The following SNX7 variants were observed in gnomAD, a reference collection of about 807,000 sequenced individuals.
SNX7 encodes the protein sorting nexin 7.
Under a neutral mutation model 48.4 loss-of-function variants are expected in SNX7, and 35 were observed. The ratio of observed to expected loss-of-function variants is 0.72; its 90% CI spans 0.55 to 0.96. The LOEUF (loss-of-function observed/expected upper bound fraction) is 0.96. Among genes scored for constraint, SNX7 ranks in the 40% least tolerant of loss-of-function variants. The pLI, the probability that SNX7 is intolerant of heterozygous loss-of-function variation, is 0.00. For missense variants in SNX7, 553 were observed against 548.9 expected, an observed-to-expected ratio of 1.01 and a Z score of -0.07; for synonymous variants, 190 against 190.2, an observed-to-expected ratio of 1.00 and a Z score of 0.01.
intron 8 of SNX7, among the ~76,000 whole-genome samples, chr1:98,750,726 A>C (rs956677912): frequency 2.0e-5 from 3 of 152,112 alleles, no homozygotes; most frequent in Admixed American, 2.0e-4. Flanking sequence ...CTCAGTGTCT[A>C]ATAAGGATTC....
At chr1:98,713,093 G>GT (rs1652400926) in intron 7 of SNX7, among the ~76,000 whole-genome samples, 1 of 70,066 alleles carries the variant, frequency 1.4e-5, no homozygotes. Context: ...CTCTGTCTCA[G>GT]GAAAAAAAAA....
At chr1:98,703,666 T>C (rs894739233) in intron 7 of SNX7, among the ~76,000 whole-genome samples, 1 of 151,938 alleles carries the variant, frequency 6.6e-6, no homozygotes, top group African/African-American at 2.4e-5. Flanking sequence ...AAGAAACATA[T>C]ATATACATAT....
At chr1:98,664,828 A>G (rs1649451874) in intron 1 of SNX7, among the ~76,000 whole-genome samples, 1 of 152,176 alleles carries the variant, frequency 6.6e-6, no homozygotes, top group South Asian at 2.1e-4. Flanking sequence ...ACGGGGATAG[A>G]TGTTAGAAGG....
At chr1:98,695,439 C>A in intron 4 of SNX7, 79 bp from the exon 5 acceptor site, 3 of 1,339,992 alleles carry the variant, frequency 2.2e-6, no homozygotes, top group Non-Finnish European at 3.1e-6. Flanking sequence ...TTTTATTCTC[C>A]TAATTAGGTT....
chr1:98,684,217 A>G (rs944696472), intron 1 of SNX7, among the ~76,000 whole-genome samples: 1 of 152,190 alleles, frequency 6.6e-6, no homozygotes, highest in Admixed American at 6.5e-5. Context: ...TCAGATCTCC[A>G]GTTTCCAAAA....
intron 7 of SNX7, among the ~76,000 whole-genome samples, chr1:98,718,918 G>A (rs559561301): frequency 6.6e-6 from 1 of 152,166 alleles, no homozygotes; most frequent in South Asian, 2.1e-4. Context: ...TGGCTGTGCA[G>A]AATTTATTTA....
chr1:98,707,509 G>A (rs1461693969), intron 7 of SNX7, among the ~76,000 whole-genome samples: 1 of 152,130 alleles, frequency 6.6e-6, no homozygotes, highest in Non-Finnish European at 1.5e-5. Context: ...AGTTTTCAGA[G>A]TCAGAGCTTC....
intron 2 of SNX7, among the ~76,000 whole-genome samples, chr1:98,687,663 A>G (rs1650879936): frequency 6.6e-6 from 1 of 152,134 alleles, no homozygotes. Context: ...ATATGATGAT[A>G]TTAAATAATT....
rs192159130 is a variant in SNX7, at chr1:98,720,322, G to A, written c.1126-17915G>A. Among the ~76,000 whole-genome samples, 99 of 151,938 alleles carry A rather than the reference G, an allele frequency of 6.5e-4. No individual in the cohort carries two copies. The East Asian group carries it at 0.014, about 21-fold the overall frequency. On this transcript the variant is annotated intron_variant, in intron 7 of 8. Coordinates refer to ENST00000306121, the MANE Select transcript of SNX7 (RefSeq NM_015976.5). ...TCTCCTTTCTTTAAAAAATAACTCC[G>A]TTAGTAGACTACTATGTATATCTAA... is the stretch of plus-strand genomic sequence containing the variant.
chr1:98,683,897 C>G (rs930637958), intron 1 of SNX7, among the ~76,000 whole-genome samples: 1 of 152,102 alleles, frequency 6.6e-6, no homozygotes, highest in Non-Finnish European at 1.5e-5. Flanking sequence ...TGGATGCCCT[C>G]GAGCTCAGAC....
intron 8 of SNX7, among the ~76,000 whole-genome samples, chr1:98,746,783 C>G (rs1322963565): frequency 9.2e-5 from 14 of 152,116 alleles, no homozygotes; most frequent in South Asian, 8.3e-4. Flanking sequence ...CCTACCATAG[C>G]AAATAAGAAG....
At chr1:98,744,053 G>A (rs752459787) in intron 8 of SNX7, among the ~76,000 whole-genome samples, 4 of 151,940 alleles carry the variant, frequency 2.6e-5, no homozygotes, top group Non-Finnish European at 5.9e-5. Context: ...AGCAATGAGG[G>A]GAATAGTCTC....
chr1:98,692,423 A>G (rs191554894), intron 4 of SNX7, among the ~76,000 whole-genome samples: 31 of 152,238 alleles, frequency 2.0e-4, no homozygotes, highest in African/African-American at 6.0e-4. Flanking sequence ...CTTAGCAAGC[A>G]ATTCAACTTT....
chr1:98,718,399 T>G (rs1457991174), intron 7 of SNX7, among the ~76,000 whole-genome samples: 1 of 152,088 alleles, frequency 6.6e-6, no homozygotes, highest in African/African-American at 2.4e-5. Flanking sequence ...AGTCTCCATT[T>G]TTATGCCTTA....
intron 4 of SNX7, among the ~76,000 whole-genome samples, chr1:98,693,162 G>T (rs560323331): frequency 2.4e-5 from 3 of 126,772 alleles, no homozygotes; most frequent in African/African-American, 8.9e-5. Flanking sequence ...ATGGGTAGAT[G>T]GATGAATGGA....
At chr1:98,663,253 G>GTTTTTTT (rs61588201) in intron 1 of SNX7, among the ~76,000 whole-genome samples, 3 of 41,502 alleles carry the variant, frequency 7.2e-5, no homozygotes, top group African/African-American at 2.2e-4. Context: ...TTTCTTTCTG[G>GTTTTTTT]TTTTTTTTTT....
intron 7 of SNX7, among the ~76,000 whole-genome samples, chr1:98,711,763 T>G (rs1652321568): frequency 6.6e-6 from 1 of 152,198 alleles, no homozygotes; most frequent in African/African-American, 2.4e-5. Flanking sequence ...GGAAGTTTGC[T>G]GCAGAGATTG....
intron 5 of SNX7, among the ~76,000 whole-genome samples, chr1:98,696,180 A>G (rs1401839903): frequency 2.1e-5 from 3 of 145,988 alleles, no homozygotes; most frequent in Admixed American, 2.0e-4. Context: ...TTTTTTTTTT[A>G]GTTTATAAAT....
chr1:98,684,856 T>TA (rs1161082797), intron 1 of SNX7, 29 bp from the exon 2 acceptor site: 1 of 1,423,336 alleles, frequency 7.0e-7, no homozygotes, highest in African/African-American at 1.4e-5. Flanking sequence ...TTTCTATTGA[T>TA]ACTAATTTTT....
Sources: gnomAD v4.1 joint callset for allele counts (sites outside exome capture counted in the v4.1 genomes callset) on GRCh38, gnomAD v4.1.1 for gene constraint, MANE v1.5 for transcripts, NCBI Gene and HGNC (gene_info 2026-07-23, HGNC 2026-07-21) for gene names.